Variants in NCKAP5 observed in about 807,000 individuals in gnomAD.
NCKAP5 encodes the protein nck-associated protein 5.
Under a neutral mutation model 167.0 loss-of-function variants are expected in NCKAP5, and 92 were observed. The ratio of observed to expected loss-of-function variants is 0.55; its 90% CI spans 0.47 to 0.66. The LOEUF (loss-of-function observed/expected upper bound fraction) is 0.66. Among genes scored for constraint, NCKAP5 ranks in the 30% least tolerant of loss-of-function variants. The probability of loss-of-function intolerance (pLI) is 0.00; values close to 1 mark genes in which losing one functional copy is unlikely to be tolerated. For synonymous variants in NCKAP5, 891 were observed against 877.4 expected (o/e 1.02, Z -0.27); for missense variants, 2,378 against 2,315.0 (o/e 1.03, Z -0.56).
rs1558788607 is a variant in NCKAP5 at position 132,794,308 on chromosome 2, G to GAGAGA, written c.909+2319_909+2320insTCTCT. On this transcript the variant is annotated intron_variant, in intron 12 of 19. Coordinates refer to ENST00000409261, the MANE Select transcript of NCKAP5 (RefSeq NM_207363.3). ...GAGAGAGAGAGAGAGAGAGAGAGAG[G>GAGAGA]GTGGCGGGAAGAGAGAGAGAAAGAG... Among the ~76,000 whole-genome samples, 10 of 50,088 alleles carry GAGAGA rather than the reference G, an allele frequency of 2.0e-4. No homozygotes were observed. In the South Asian group the frequency reaches 2.1e-3, roughly 11 times the overall value. The allele number at this position is 50,088 out of a possible 152,430, so 32.9% of individuals were successfully genotyped here.
intron 3 of NCKAP5, among the ~76,000 whole-genome samples, chr2:133,483,627 A>AAG (rs143250010): frequency 2.1e-5 from 3 of 140,656 alleles, no homozygotes; most frequent in South Asian, 2.5e-4. Flanking sequence ...GCAAAAAAAA[A>AAG]GGGGGGGGGG....
the NCKAP5 span, among the ~76,000 whole-genome samples, chr2:133,600,080 C>A: frequency 6.6e-6 from 1 of 152,200 alleles, no homozygotes; most frequent in Non-Finnish European, 1.5e-5. Flanking sequence ...CCACTCAGCT[C>A]ATCTGTGTCG....
At chr2:133,132,010 G>A (rs1164620651) in intron 5 of NCKAP5, among the ~76,000 whole-genome samples, 1 of 151,856 alleles carries the variant, frequency 6.6e-6, no homozygotes, top group African/African-American at 2.4e-5. Flanking sequence ...TACATGCTAC[G>A]AAGAATGTGA....
At chr2:133,603,320 G>A in the NCKAP5 span, among the ~76,000 whole-genome samples, 5 of 150,334 alleles carry the variant, frequency 3.3e-5, no homozygotes, top group East Asian at 2.0e-4. Context: ...TCTGCCTCCC[G>A]GGTTCCAGCA....
rs77151713 is a variant in NCKAP5, at chr2:132,979,190, G to A, written c.429+14962C>T. ...TTCAACTTTTAATAAAGGAAAATAG[G>A]CCTCAAGCTCAGTTAGCAGGCACCA... On this transcript the variant is annotated intron_variant, in intron 7 of 19. Transcript: ENST00000409261. Among the ~76,000 whole-genome samples, 1,032 of 152,250 alleles carry A rather than the reference G, an allele frequency of 6.8e-3. 7 individuals are homozygous for A. The highest frequency in any genetic ancestry group is 0.024 in the African/African-American group (983 of 41,542).
intron 19 of NCKAP5, among the ~76,000 whole-genome samples, chr2:132,706,549 G>A (rs1008954827): frequency 6.6e-6 from 1 of 152,000 alleles, no homozygotes; most frequent in Admixed American, 6.6e-5. Flanking sequence ...TTCTATATTA[G>A]CTTCTCCTCC....
At chr2:132,705,950 T>G (rs1353755589) in intron 19 of NCKAP5, among the ~76,000 whole-genome samples, 1 of 152,194 alleles carries the variant, frequency 6.6e-6, no homozygotes, top group East Asian at 1.9e-4. Context: ...CTCTCATATA[T>G]GTGTATGTCT....
At chr2:133,312,383 T>TG (rs1559374535) in intron 3 of NCKAP5, among the ~76,000 whole-genome samples, 1 of 152,026 alleles carries the variant, frequency 6.6e-6, no homozygotes, top group Non-Finnish European at 1.5e-5. Context: ...TTTCCCCTTT[T>TG]AAAAAAAATC....
the NCKAP5 span, among the ~76,000 whole-genome samples, chr2:133,644,878 C>T: frequency 6.6e-6 from 1 of 152,094 alleles, no homozygotes; most frequent in South Asian, 2.1e-4. Flanking sequence ...GAACACTGCA[C>T]AATGTAACAA....
rs1574183306 is a variant in NCKAP5, at chr2:132,781,236, G to A, written c.4872-7C>T. Reference sequence around the variant, plus strand: ...AGCTGCTTTCTTATCAACTCTGCAGGTAGAAAGTGATTCCTCTGATAAGTT... The same window carrying A: ...AGCTGCTTTCTTATCAACTCTGCAGATAGAAAGTGATTCCTCTGATAAGTT... On this transcript the variant is annotated splice_polypyrimidine_tract_variant and splice_region_variant and intron_variant, in intron 14 of 19. Transcript: ENST00000409261. The A allele has an allele frequency of 1.2e-6, 2 of 1,609,872 alleles. No individual in the cohort carries two copies. Among genetic ancestry groups the A allele is most frequent in the East Asian group, 4.5e-5 (2 of 44,834 alleles).
intron 3 of NCKAP5, among the ~76,000 whole-genome samples, chr2:133,475,553 G>T (rs903860084): frequency 6.6e-6 from 1 of 152,110 alleles, no homozygotes; most frequent in African/African-American, 2.4e-5. Flanking sequence ...AAGAAAGATC[G>T]AATAAACAAA....
At chr2:132,994,084 C>G in intron 7 of NCKAP5, 68 bp downstream of exon 7, 3 of 1,211,606 alleles carry the variant, frequency 2.5e-6, no homozygotes, top group Middle Eastern at 1.9e-4. Flanking sequence ...TTAGAGAGGA[C>G]AAACCTAGAG....
chr2:133,439,252 G>A (rs1690684155), intron 3 of NCKAP5, among the ~76,000 whole-genome samples: 1 of 152,140 alleles, frequency 6.6e-6, no homozygotes, highest in Admixed American at 6.5e-5. Context: ...GAAAGGGGAG[G>A]ATTTGATCCT....
rs2082543754 is a variant in NCKAP5, at chr2:133,130,036, T to C, written c.283A>G (p.Thr95Ala). 6.2e-7 allele frequency: 1 copy of C among 1,611,642 alleles called. No homozygotes were observed. The highest frequency in any genetic ancestry group is 8.5e-7 in the Non-Finnish European group (1 of 1,179,138). Residue 95 changes from threonine (T) to alanine (A), a missense_variant, in exon 6 of 20, where the codon ACC becomes GCC. Thr to Ala is a moderately conservative substitution (Grantham distance 58). Coordinates refer to ENST00000409261, the MANE Select transcript of NCKAP5 (RefSeq NM_207363.3). ...LQSEKRLQEV[T>A]LESERNRIQM... ...ATTCTGTTGCGTTCAGACTCTAGGG[T>C]CACCTCCTGCAACCGCTTCTCGCTT...
chr2:133,419,610 C>T (rs1215017378), intron 3 of NCKAP5, among the ~76,000 whole-genome samples: 1 of 152,138 alleles, frequency 6.6e-6, no homozygotes, highest in Non-Finnish European at 1.5e-5. Flanking sequence ...TAACGTCTCC[C>T]TGATGATGAA....
At position 132,878,645 on chromosome 2, in the gene NCKAP5, C is replaced by T. The variant is rs202159356; in HGVS notation, c.648+203G>A. On this transcript the variant is annotated intron_variant, in intron 9 of 19. Coordinates refer to ENST00000409261, the MANE Select transcript of NCKAP5 (RefSeq NM_207363.3). ...ACACACACACACACACACACACACA[C>T]ACACACACACGCACGCATACACACA... Among the ~76,000 whole-genome samples the T allele has an allele frequency of 2.0e-5, 1 of 49,706 alleles. No individual in the cohort carries two copies. The highest frequency in any genetic ancestry group is 4.6e-5 in the Non-Finnish European group (1 of 21,704). The allele number at this position is 49,706 out of a possible 152,430, so 32.6% of individuals were successfully genotyped here.
At chr2:133,584,034 G>A in the NCKAP5 span, among the ~76,000 whole-genome samples, 1 of 152,180 alleles carries the variant, frequency 6.6e-6, no homozygotes, top group African/African-American at 2.4e-5. Context: ...GATTACAGGC[G>A]TGAGCCACCG....
At chr2:132,987,914 T>G (rs754275738) in intron 7 of NCKAP5, among the ~76,000 whole-genome samples, 1 of 152,178 alleles carries the variant, frequency 6.6e-6, no homozygotes, top group Non-Finnish European at 1.5e-5. Context: ...GTAAAATAGG[T>G]GAAATTACAG....
chr2:133,131,870 A>G (rs1201195393), intron 5 of NCKAP5, among the ~76,000 whole-genome samples: 1 of 152,176 alleles, frequency 6.6e-6, no homozygotes, highest in Non-Finnish European at 1.5e-5. Flanking sequence ...CACAATTGAC[A>G]TTCCTCTTTT....
Sources: allele counts gnomAD v4.1 joint callset (sites outside exome capture counted in the v4.1 genomes callset), GRCh38; gene constraint gnomAD v4.1.1; transcripts MANE v1.5; gene names NCBI Gene and HGNC (gene_info 2026-07-23, HGNC 2026-07-21).